The following PRCC variants were observed in gnomAD, a reference collection of about 807,000 sequenced individuals.
The protein encoded by PRCC is proline rich mitotic checkpoint control factor.
In PRCC, 10 loss-of-function variants were observed where a neutral mutation model predicts 44.0. The observed-to-expected ratio is 0.23, with a 90% CI of 0.14 to 0.39. PRCC has a LOEUF of 0.39. Among genes scored for constraint, PRCC ranks in the 10% least tolerant of loss-of-function variants. The pLI, the probability that PRCC is intolerant of heterozygous loss-of-function variation, is 1.00. For synonymous variants in PRCC, 278 were observed against 259.5 expected, an observed-to-expected ratio of 1.07 and a Z score of -0.69; for missense variants, 573 against 624.7, an observed-to-expected ratio of 0.92 and a Z score of 0.88.
intron 4 of PRCC, among the ~76,000 whole-genome samples, chr1:156,792,779 C>G (rs899178228): frequency 7.2e-5 from 11 of 152,016 alleles, no homozygotes; most frequent in African/African-American, 2.2e-4. Flanking sequence ...GTAAGGGGGT[C>G]TAGGAAATGT....
Position 156,786,659 on chromosome 1 carries a change from C to T in PRCC, c.568C>T (p.Leu190=). Residue 190 remains leucine (L), a synonymous_variant, in exon 3 of 7, where the codon CTG becomes TTG. Transcript: ENST00000271526. ...TGCCTTGCTTCCCCAACCTAAAAAC[C>T]TGACTGTGAAAGAGACTAACAGGTT... ...LSALLPQPKN[L]TVKETNRLLL... 6.2e-7 allele frequency: 1 copy of T among 1,614,150 alleles called. No individual in the cohort carries two copies. The highest frequency in any genetic ancestry group is 8.5e-7 in the Non-Finnish European group (1 of 1,180,016).
rs551647277 is a variant in PRCC at position 156,782,252 on chromosome 1, G to A, written c.469-30G>A. 7 of 1,566,402 alleles carry A rather than the reference G, an allele frequency of 4.5e-6. No homozygotes were observed. In the East Asian group the frequency reaches 1.6e-4, roughly 35 times the overall value. ...GTTTCCTTTACTGTCCTAAAACAGT[G>A]AGGCCTTACTTCATTTCTTTTTCTC... is the stretch of plus-strand genomic sequence containing the variant. On this transcript the variant is annotated intron_variant, in intron 1 of 6. Transcript: ENST00000271526.
At chr1:156,787,473 ATATATATATATATATATATATATATC>A (rs1332160749) in intron 3 of PRCC, among the ~76,000 whole-genome samples, 1 of 11,618 alleles carries the variant, frequency 8.6e-5, no homozygotes, top group African/African-American at 2.4e-4. Flanking sequence ...ATATATATAT[ATATATATATATATATATATATATATC>A]TGTTTTTTTT....
Position 156,767,952 on chromosome 1 carries a change from G to T in PRCC, c.181G>T (p.Ala61Ser), listed in dbSNP as rs1359978041. ...LPPPPQMLAPAFPPPLLLPPP... is the reference protein window; with the variant it reads ...LPPPPQMLAPSFPPPLLLPPP... ...TCCGCCCCCTCAGATGCTGGCGCCA[G>T]CCTTTCCCCCGCCGCTGTTGCTTCC... Residue 61 changes from alanine to serine, a missense_variant, in exon 1 of 7, where the codon GCC (alanine) becomes TCC (serine). Ala to Ser is a moderately conservative substitution (Grantham distance 99). This residue lies in a region of PRCC where 245 missense variants were observed against 188.5 expected (regional missense o/e 1.30). Transcript: ENST00000271526. 1 of 1,582,900 alleles carries T rather than the reference G, an allele frequency of 6.3e-7. No homozygotes were observed.
intron 1 of PRCC, among the ~76,000 whole-genome samples, chr1:156,768,602 A>G (rs1462965202): frequency 6.6e-6 from 1 of 152,170 alleles, no homozygotes; most frequent in East Asian, 1.9e-4. Context: ...CTGAAGAATG[A>G]CAGGAGACAG....
rs1171084791 is a variant in PRCC at position 156,787,198 on chromosome 1, G to A, written c.1083+24G>A. ...AGGTGGGTAGGAGGCACAGAGGGCA[G>A]GCGAGGGAATGTTGGAACATGGTGG... On this transcript the variant is annotated intron_variant, in intron 3 of 6. Transcript: ENST00000271526. 2.5e-6 allele frequency: 4 copies of A among 1,568,698 alleles called. No individual in the cohort carries two copies. The South Asian group carries it at 3.5e-5, about 14-fold the overall frequency.
chr1:156,773,474 C>T (rs1023642984), intron 1 of PRCC, among the ~76,000 whole-genome samples: 2 of 152,186 alleles, frequency 1.3e-5, no homozygotes, highest in African/African-American at 4.8e-5. Flanking sequence ...AGAAGAAATA[C>T]AATACTTTCT....
At position 156,779,558 on chromosome 1, in the gene PRCC, G is replaced by A. The variant is rs182979253; in HGVS notation, c.469-2724G>A. On this transcript the variant is annotated intron_variant, in intron 1 of 6. Transcript: ENST00000271526. Reference sequence around the variant, plus strand: ...AGCTTTTTGTATTTTTCGTAGAGACGAGGTTTCACCATATTGGCCAGGCTG... The same window carrying A: ...AGCTTTTTGTATTTTTCGTAGAGACAAGGTTTCACCATATTGGCCAGGCTG... Among the ~76,000 whole-genome samples the A allele has an allele frequency of 1.4e-3, 206 of 152,006 alleles. 1 individual carries two copies. In the East Asian group the frequency reaches 0.036, roughly 27 times the overall value.
intron 1 of PRCC, among the ~76,000 whole-genome samples, chr1:156,771,796 AC>A (rs1662008932): frequency 6.6e-6 from 1 of 151,698 alleles, no homozygotes; most frequent in Non-Finnish European, 1.5e-5. Context: ...CTCTCAAAGT[AC>A]TGGGATTACA....
rs1299210994 is a variant in PRCC at position 156,767,695 on chromosome 1, C to T, written c.-77C>T. ...TCCCCGCCCCGCCAGGTGGCGGGGCCTACTAGGCCTCCGGGCATCCCCGGT... is the reference window on the plus strand; with the variant it reads ...TCCCCGCCCCGCCAGGTGGCGGGGCTTACTAGGCCTCCGGGCATCCCCGGT... On this transcript the variant is annotated 5_prime_UTR_variant, in exon 1 of 7. Coordinates refer to ENST00000271526, the MANE Select transcript of PRCC (RefSeq NM_005973.5). 2.1e-6 allele frequency: 3 copies of T among 1,433,902 alleles called. No individual in the cohort carries two copies. Among genetic ancestry groups the T allele is most frequent in the Non-Finnish European group, 2.8e-6 (3 of 1,075,976 alleles). 88.8% of individuals were successfully genotyped at this position (1,433,902 alleles called of 1,614,324 possible). A position where few individuals can be genotyped will look rare whatever the true frequency, so the allele number is the denominator to read the frequency against.
In PRCC at chr1:156,768,098, A is replaced by C; in HGVS notation, c.327A>C (p.Gly109=). The C allele has an allele frequency of 6.3e-7, 1 of 1,584,934 alleles. No homozygotes were observed. The highest frequency in any genetic ancestry group is 8.6e-7 in the Non-Finnish European group (1 of 1,165,564). The change falls in exon 1 of 7, where the codon GGA becomes GGC. Residue 109 remains glycine, a synonymous_variant. Transcript: ENST00000271526. ...AEAAGVGEGL[G]LGLPSPRGPG... ...CGGCGGGAGTTGGGGAGGGACTGGG[A>C]TTGGGGTTGCCCTCGCCCCGAGGCC...
rs1336370518 is a variant in PRCC, at chr1:156,787,072, A to G, written c.981A>G (p.Ala327=). 6.2e-7 allele frequency: 1 copy of G among 1,614,208 alleles called. No individual in the cohort carries two copies. Among genetic ancestry groups the G allele is most frequent in the South Asian group, 1.1e-5 (1 of 91,088 alleles). The change falls in exon 3 of 7, where the codon GCA becomes GCG. Residue 327 remains alanine (A), a synonymous_variant. Transcript: ENST00000271526. Reference sequence around the variant, plus strand: ...CCCCCCTTGAATTCAAGATGGCAGCAGGTTCAAGTGGGGCCCCTTGGATGC... The same window carrying G: ...CCCCCCTTGAATTCAAGATGGCAGCGGGTTCAAGTGGGGCCCCTTGGATGC... ...ANAPLEFKMA[A]GSSGAPWMPK...
chr1:156,793,541 ACT>A (rs140796178), intron 4 of PRCC, among the ~76,000 whole-genome samples: 5,897 of 150,116 alleles, frequency 0.039, 143 homozygotes, highest in Middle Eastern at 0.062. Context: ...TAAAGCTAAG[ACT>A]CTGTGTGTGT....
At chr1:156,779,113 TATATATATATATATA>T (rs1651936623) in intron 1 of PRCC, among the ~76,000 whole-genome samples, 1 of 20,256 alleles carries the variant, frequency 4.9e-5, no homozygotes, top group Non-Finnish European at 9.1e-5. Context: ...AATATATATA[TATATATATATATATA>T]TTTTTTTTTT....
chr1:156,780,853 G>A (rs1349329612), intron 1 of PRCC, among the ~76,000 whole-genome samples: 4 of 151,880 alleles, frequency 2.6e-5, no homozygotes, highest in East Asian at 1.9e-4. Flanking sequence ...TCAGCCTCCC[G>A]AGTAGCTGGG....
In PRCC at chr1:156,795,299, T is replaced by C. The variant is rs1302219426; in HGVS notation, c.1323+491T>C. Among the ~76,000 whole-genome samples the C allele has an allele frequency of 2.3e-5, 3 of 130,462 alleles. No individual in the cohort carries two copies. In the East Asian group the frequency reaches 6.3e-4, roughly 27 times the overall value. 85.6% of individuals were successfully genotyped at this position (130,462 alleles called of 152,430 possible). Reference sequence around the variant, plus strand: ...CATTTTCTGGTGTTTTTTTTTTTTTTTTTTTTTTTTCAGAGTCTCACTCTG... The same window carrying C: ...CATTTTCTGGTGTTTTTTTTTTTTTCTTTTTTTTTTCAGAGTCTCACTCTG... On this transcript the variant is annotated intron_variant, in intron 5 of 6. Coordinates refer to ENST00000271526, the MANE Select transcript of PRCC (RefSeq NM_005973.5).
At chr1:156,770,460 C>G (rs1348737274) in intron 1 of PRCC, among the ~76,000 whole-genome samples, 4 of 152,220 alleles carry the variant, frequency 2.6e-5, no homozygotes, top group Non-Finnish European at 4.4e-5. Context: ...CCGCAACCTC[C>G]GCCTCCAGGG....
chr1:156,773,520 A>C (rs1651709342), intron 1 of PRCC, among the ~76,000 whole-genome samples: 1 of 152,098 alleles, frequency 6.6e-6, no homozygotes, highest in Non-Finnish European at 1.5e-5. Context: ...CTCAAAACCA[A>C]TGTGTGCCTA....
At chr1:156,786,551 A>T in intron 2 of PRCC, 57 bp from the exon 3 acceptor site, 1 of 1,512,708 alleles carries the variant, frequency 6.6e-7, no homozygotes, top group African/African-American at 1.4e-5. Flanking sequence ...TGTTGCTAGT[A>T]CATAAAATCT....
Sources: gnomAD v4.1 joint callset for allele counts (sites outside exome capture counted in the v4.1 genomes callset) on GRCh38, gnomAD v4.1.1 for gene constraint, gnomAD v4.1.1 regional missense constraint, MANE v1.5 for transcripts, NCBI Gene and HGNC (gene_info 2026-07-23, HGNC 2026-07-21) for gene names.